Variants in FMNL2 observed in about 807,000 individuals in gnomAD.
FMNL2 encodes formin-like protein 2.
A neutral mutation model predicts 130.2 loss-of-function variants in FMNL2; 51 were observed. The ratio of observed to expected loss-of-function variants is 0.39; its 90% CI spans 0.31 to 0.49. The LOEUF (loss-of-function observed/expected upper bound fraction) is 0.49. Among genes scored for constraint, FMNL2 ranks in the 20% least tolerant of loss-of-function variants. The probability of loss-of-function intolerance (pLI) is 0.85; values close to 1 mark genes in which losing one functional copy is unlikely to be tolerated. For missense variants in FMNL2, 977 were observed against 1,316.2 expected, an observed-to-expected ratio of 0.74 and a Z score of 3.99; for synonymous variants, 465 against 467.1, an observed-to-expected ratio of 1.00 and a Z score of 0.06.
At chr2:152,365,107 A>G (rs149221066) in intron 1 of FMNL2, among the ~76,000 whole-genome samples, 1 of 152,338 alleles carries the variant, frequency 6.6e-6, no homozygotes, top group East Asian at 1.9e-4. Context: ...CAATGTCTTT[A>G]TGTAGTTAAT....
chr2:152,544,311 G>A (rs1403278338), intron 3 of FMNL2, among the ~76,000 whole-genome samples: 1 of 152,164 alleles, frequency 6.6e-6, no homozygotes, highest in Non-Finnish European at 1.5e-5. Context: ...GGGAGGCTGA[G>A]GTAGGAGAAT....
At chr2:152,533,430 G>A (rs985146432) in intron 2 of FMNL2, among the ~76,000 whole-genome samples, 1 of 151,704 alleles carries the variant, frequency 6.6e-6, no homozygotes, top group Non-Finnish European at 1.5e-5. Context: ...GGCCATAAAC[G>A]TGTGGGTCTA....
At chr2:152,550,346 G>A (rs1232897942) in intron 4 of FMNL2, among the ~76,000 whole-genome samples, 1 of 152,188 alleles carries the variant, frequency 6.6e-6, no homozygotes, top group African/African-American at 2.4e-5. Context: ...TTTTCACCTT[G>A]AGAATGAAAT....
At chr2:152,489,510 G>A (rs1176354959) in intron 1 of FMNL2, among the ~76,000 whole-genome samples, 1 of 152,202 alleles carries the variant, frequency 6.6e-6, no homozygotes, top group Non-Finnish European at 1.5e-5. Context: ...TTGTTTGAGG[G>A]ACAAGAATAA....
At chr2:152,411,694 G>T (rs973083983) in intron 1 of FMNL2, among the ~76,000 whole-genome samples, 12 of 152,168 alleles carry the variant, frequency 7.9e-5, no homozygotes, top group African/African-American at 2.9e-4. Flanking sequence ...ACTGTCTCTA[G>T]CACCGCTTCC....
chr2:152,590,614 TAA>T (rs760230881), intron 9 of FMNL2, among the ~76,000 whole-genome samples: 2 of 145,096 alleles, frequency 1.4e-5, no homozygotes, highest in Non-Finnish European at 1.5e-5. Flanking sequence ...ACTCTGTCTT[TAA>T]AAAAAAAAAA....
At chr2:152,614,315 T>C (rs1698830366) in intron 11 of FMNL2, among the ~76,000 whole-genome samples, 2 of 152,190 alleles carry the variant, frequency 1.3e-5, no homozygotes, top group South Asian at 4.1e-4. Context: ...TGGGGGAAAA[T>C]GTGTGTGCAT....
Position 152,575,162 on chromosome 2 carries a change from C to G in FMNL2, c.623C>G (p.Thr208Ser). The G allele has an allele frequency of 6.2e-7, 1 of 1,605,216 alleles. No homozygotes were observed. The highest frequency in any genetic ancestry group is 8.5e-7 in the Non-Finnish European group (1 of 1,175,140). Residue 208 changes from threonine to serine, a missense_variant, in exon 7 of 26, where the codon ACT (threonine) becomes AGT (serine). By Grantham distance (58) the Thr-to-Ser change is moderately conservative. Around this residue, in one of 4 missense-constraint regions of FMNL2, gnomAD observed 689 missense variants for 995.9 expected, o/e 0.69. Coordinates refer to ENST00000288670, the MANE Select transcript of FMNL2 (RefSeq NM_052905.4). ...TATAATACATTGCCAAGCAGAAGAA[C>G]TCTGAAAAATTCAAGATTAGTGAGT... ...LRYNTLPSRR[T>S]LKNSRLVSKK... is the part of the protein sequence containing the mutation.
intron 1 of FMNL2, among the ~76,000 whole-genome samples, chr2:152,356,977 GTT>G (rs1682837607): frequency 6.7e-6 from 1 of 148,520 alleles, no homozygotes; most frequent in Non-Finnish European, 1.5e-5. Flanking sequence ...TATTAAATAA[GTT>G]TAATATATAA....
rs533199444 is a variant in FMNL2 at position 152,542,911 on chromosome 2, T to G, written c.282+92T>G. The stretch of plus-strand genomic sequence containing the variant: ...GGAAGAGACCTTCCTTCCTCTGCAT[T>G]AGAGCCTCTGCCAGAGCCTCCACAA... On this transcript the variant is annotated intron_variant, in intron 3 of 25. Coordinates refer to ENST00000288670, the MANE Select transcript of FMNL2 (RefSeq NM_052905.4). 8.0e-6 allele frequency: 11 copies of G among 1,379,486 alleles called. No homozygotes were observed. The South Asian group carries it at 1.3e-4, about 17-fold the overall frequency. 85.5% of individuals were successfully genotyped at this position (1,379,486 alleles called of 1,614,324 possible). A position where few individuals can be genotyped will look rare whatever the true frequency, so the allele number is the denominator to read the frequency against.
intron 9 of FMNL2, among the ~76,000 whole-genome samples, chr2:152,589,577 G>A (rs1217553236): frequency 1.3e-5 from 2 of 152,164 alleles, no homozygotes; most frequent in Non-Finnish European, 2.9e-5. Flanking sequence ...CACTTGGGAA[G>A]TATTTCTTTG....
At chr2:152,397,843 G>C (rs1558827870) in intron 1 of FMNL2, among the ~76,000 whole-genome samples, 1 of 152,184 alleles carries the variant, frequency 6.6e-6, no homozygotes, top group Non-Finnish European at 1.5e-5. Flanking sequence ...AAAAGCTTTG[G>C]CTGGGTGCAG....
intron 2 of FMNL2, 76 bp downstream of exon 2, chr2:152,522,102 A>AC: frequency 4.2e-6 from 5 of 1,187,876 alleles, no homozygotes; most frequent in Non-Finnish European, 6.0e-6. Context: ...ATGGTATGTC[A>AC]ATATCATGAT....
chr2:152,526,754 CT>C (rs1243626611), intron 2 of FMNL2, among the ~76,000 whole-genome samples: 14 of 152,236 alleles, frequency 9.2e-5, no homozygotes, highest in African/African-American at 3.4e-4. Context: ...AGTCTTCCCC[CT>C]CTATACATTC....
chr2:152,408,675 C>T (rs576733701), intron 1 of FMNL2, among the ~76,000 whole-genome samples: 1 of 152,212 alleles, frequency 6.6e-6, no homozygotes, highest in South Asian at 2.1e-4. Flanking sequence ...ATGAAACATC[C>T]TAGCCTAGAC....
chr2:152,558,775 G>A lies in FMNL2; in HGVS notation c.395G>A (p.Gly132Asp), dbSNP rs1695369450. 6.2e-7 allele frequency: 1 copy of A among 1,613,194 alleles called. No individual in the cohort carries two copies. Among genetic ancestry groups the A allele is most frequent in the Non-Finnish European group, 8.5e-7 (1 of 1,179,718 alleles). Residue 132 changes from glycine (G) to aspartate (D), a missense_variant, in exon 5 of 26, where the codon GGT becomes GAT. Coordinates refer to ENST00000288670, the MANE Select transcript of FMNL2 (RefSeq NM_052905.4). ...VREFLNEENKGLDVLVEYLSF... is the reference protein window; with the variant it reads ...VREFLNEENKDLDVLVEYLSF... ...GAATTTCTGAATGAAGAAAACAAAGGTCTTGATGTTCTAGTGGAATATCTC... is the reference window on the plus strand; with the variant it reads ...GAATTTCTGAATGAAGAAAACAAAGATCTTGATGTTCTAGTGGAATATCTC...
intron 1 of FMNL2, among the ~76,000 whole-genome samples, chr2:152,354,197 G>T (rs1420573508): frequency 1.3e-5 from 2 of 152,176 alleles, no homozygotes; most frequent in African/African-American, 4.8e-5. Flanking sequence ...CCACTGAGCA[G>T]CTTGTTCACA....
In FMNL2 at chr2:152,513,830, A is replaced by G. The variant is rs1392154077; in HGVS notation, c.118-8113A>G. 4.6e-5 allele frequency among the ~76,000 whole-genome samples: 7 copies of G among 152,162 alleles called. No homozygotes were observed. The South Asian group carries it at 8.3e-4, about 18-fold the overall frequency. ...TACGGCGGTGATATTAGTACCCTCA[A>G]TGATTCAATAAAAATAACAGTGACA... is the stretch of plus-strand genomic sequence containing the variant. On this transcript the variant is annotated intron_variant, in intron 1 of 25. Coordinates refer to ENST00000288670, the MANE Select transcript of FMNL2 (RefSeq NM_052905.4).
intron 10 of FMNL2, among the ~76,000 whole-genome samples, chr2:152,608,340 A>C (rs1023070441): frequency 7.1e-6 from 1 of 140,930 alleles, no homozygotes; most frequent in Non-Finnish European, 1.5e-5. Flanking sequence ...ATAGCTTTGC[A>C]GATTTCTAAC....
Sources: allele counts gnomAD v4.1 joint callset (sites outside exome capture counted in the v4.1 genomes callset), GRCh38; gene constraint gnomAD v4.1.1; regional missense constraint gnomAD v4.1.1; transcripts MANE v1.5; gene names NCBI Gene and HGNC (gene_info 2026-07-23, HGNC 2026-07-21).